PCDHAC1: variants seen among roughly 807,000 people sequenced by gnomAD.
PCDHAC1 encodes the protein protocadherin alpha-C1.
Under a neutral mutation model 60.0 loss-of-function variants are expected in PCDHAC1, and 42 were observed. The ratio of observed to expected loss-of-function variants is 0.70; its 90% CI spans 0.55 to 0.90. The LOEUF is 0.90. PCDHAC1 is among the 40% of genes least tolerant of loss of function. The pLI is 0.00. For missense variants in PCDHAC1, 1,160 were observed against 1,222.3 expected (o/e 0.95, Z 0.76); for synonymous variants, 468 against 499.3 (o/e 0.94, Z 0.84).
intron 1 of PCDHAC1, among the ~76,000 whole-genome samples, chr5:140,933,379 G>A (rs1403607512): frequency 6.6e-6 from 1 of 151,928 alleles, no homozygotes; most frequent in East Asian, 1.9e-4. Flanking sequence ...TTCCTTGGCT[G>A]TTCCTAGAGC....
intron 3 of PCDHAC1, 42 bp downstream of exon 3, chr5:140,982,605 A>G: frequency 1.9e-6 from 3 of 1,605,520 alleles, no homozygotes; most frequent in Non-Finnish European, 2.6e-6. Flanking sequence ...GGTTTCTGGA[A>G]AGTGATCAGA....
At chr5:140,974,865 G>A (rs1042029401) in intron 1 of PCDHAC1, among the ~76,000 whole-genome samples, 7 of 152,026 alleles carry the variant, frequency 4.6e-5, no homozygotes, top group African/African-American at 1.4e-4. Context: ...GCCTTAATGC[G>A]GAACAGTCTA....
chr5:140,944,003 C>A (rs1185007409), intron 1 of PCDHAC1, among the ~76,000 whole-genome samples: 11 of 152,038 alleles, frequency 7.2e-5, no homozygotes, highest in African/African-American at 2.2e-4. Flanking sequence ...CTACTGAGTA[C>A]CCCCCAAAAG....
chr5:140,979,585 G>T (rs1486792990), intron 2 of PCDHAC1, among the ~76,000 whole-genome samples: 1 of 152,156 alleles, frequency 6.6e-6, no homozygotes, highest in Non-Finnish European at 1.5e-5. Context: ...TCCAAATCTA[G>T]CTTACTTTAA....
At chr5:140,953,932 C>T (rs1005245846) in intron 1 of PCDHAC1, among the ~76,000 whole-genome samples, 1 of 152,060 alleles carries the variant, frequency 6.6e-6, no homozygotes, top group Admixed American at 6.6e-5. Flanking sequence ...CTGATGCTCT[C>T]CCTCCCATTG....
intron 1 of PCDHAC1, among the ~76,000 whole-genome samples, chr5:140,959,969 C>T (rs1203367528): frequency 6.6e-6 from 1 of 152,104 alleles, no homozygotes; most frequent in African/African-American, 2.4e-5. Context: ...GTAGATGTTA[C>T]TGAAAGAAGA....
Position 140,928,642 on chromosome 5 carries a change from G to C in PCDHAC1, c.1750G>C (p.Val584Leu). Residue 584 changes from valine (V) to leucine (L), a missense_variant, in exon 1 of 4, where the codon GTA (valine) becomes CTA (leucine). Physicochemically the swap from Val to Leu is conservative, Grantham distance 32 (BLOSUM62 1). Coordinates refer to ENST00000253807, the MANE Select transcript of PCDHAC1 (RefSeq NM_018898.5). The stretch of plus-strand genomic sequence containing the variant: ...GACTGGACACTTGGTCACAAAAGTG[G>C]TAGCAGAGGATGCTGACAGTGGTTC... ...ARTGHLVTKV[V>L]AEDADSGSNA... The C allele has an allele frequency of 6.2e-7, 1 of 1,614,232 alleles. No homozygotes were observed. The highest frequency in any genetic ancestry group is 1.3e-5 in the African/African-American group (1 of 75,062).
intron 1 of PCDHAC1, chr5:140,966,863 C>G: frequency 6.4e-7 from 1 of 1,562,680 alleles, no homozygotes; most frequent in Non-Finnish European, 8.6e-7. Flanking sequence ...GCTGCTGTTG[C>G]TGCTGCTGCT....
intron 3 of PCDHAC1, among the ~76,000 whole-genome samples, chr5:140,995,650 A>T (rs1166713964): frequency 6.6e-6 from 1 of 152,182 alleles, no homozygotes; most frequent in Non-Finnish European, 1.5e-5. Context: ...GAAAAGGAGA[A>T]TCGAAAAGGG....
At position 140,928,032 on chromosome 5, in the gene PCDHAC1, T is replaced by C. The variant is rs369075554; in HGVS notation, c.1140T>C (p.Ser380=). ...ATGGTAGGGTCATTTGTGGCATGTC[T>C]AGTGCAGGCCCTTTTCAGCTGACGG... is the stretch of plus-strand genomic sequence containing the variant. ...DSNGRVICGM[S]SAGPFQLTAS... The change falls in exon 1 of 4, where the codon TCT becomes TCC. Residue 380 remains serine (S), a synonymous_variant. Coordinates refer to ENST00000253807, the MANE Select transcript of PCDHAC1 (RefSeq NM_018898.5). 1 of 1,614,216 alleles carries C rather than the reference T, an allele frequency of 6.2e-7. No homozygotes were observed. The highest frequency in any genetic ancestry group is 1.3e-5 in the African/African-American group (1 of 75,054).
In PCDHAC1 at chr5:140,928,550, C is replaced by T. The variant is rs781857799; in HGVS notation, c.1658C>T (p.Pro553Leu). The T allele has an allele frequency of 3.7e-6, 6 of 1,614,160 alleles. No individual in the cohort carries two copies. Among genetic ancestry groups the T allele is most frequent in the South Asian group, 3.3e-5 (3 of 91,084 alleles). The change falls in exon 1 of 4, where the codon CCG becomes CTG. Residue 553 changes from proline to leucine, a missense_variant. Transcript: ENST00000253807. ...LFVVDRNDNYPVILFPLPRNG... is the reference protein window; with the variant it reads ...LFVVDRNDNYLVILFPLPRNG... ...GTGGTAGATAGGAATGACAATTATC[C>T]GGTTATCTTGTTTCCCTTGCCCAGA...
chr5:140,969,366 A>C (rs1554231734), intron 1 of PCDHAC1: 1 of 1,609,828 alleles, frequency 6.2e-7, no homozygotes. Context: ...CTACAAACTC[A>C]TGCATTTGTT....
At chr5:140,958,953 T>A (rs1489065015) in intron 1 of PCDHAC1, among the ~76,000 whole-genome samples, 2 of 144,196 alleles carry the variant, frequency 1.4e-5, no homozygotes, top group Non-Finnish European at 3.1e-5. Flanking sequence ...ATTATATTAT[T>A]ATAATTGTTC....
At chr5:140,966,740 C>G in intron 1 of PCDHAC1, 1 of 1,422,696 alleles carries the variant, frequency 7.0e-7, no homozygotes, top group Non-Finnish European at 9.1e-7. Flanking sequence ...CGGCCCTGCC[C>G]GGCTGCCTCC....
At chr5:140,930,143 T>C (rs1375967730) in intron 1 of PCDHAC1, 4 of 152,204 alleles carry the variant, frequency 2.6e-5, no homozygotes, top group Non-Finnish European at 5.9e-5. Context: ...ACCTTTTGTT[T>C]TGTGTTTCTA....
intron 3 of PCDHAC1, among the ~76,000 whole-genome samples, chr5:140,985,802 C>T (rs567648207): frequency 1.1e-4 from 16 of 146,640 alleles, no homozygotes; most frequent in African/African-American, 3.3e-4. Flanking sequence ...TGCAGTGGCA[C>T]GATCTCAGCT....
chr5:140,947,194 G>A (rs2094102779), intron 1 of PCDHAC1, among the ~76,000 whole-genome samples: 1 of 151,018 alleles, frequency 6.6e-6, no homozygotes, highest in Admixed American at 6.6e-5. Context: ...ATACTACACA[G>A]CCTTAAAAAA....
intron 1 of PCDHAC1, among the ~76,000 whole-genome samples, chr5:140,976,407 C>T (rs781867787): frequency 1.1e-4 from 17 of 151,868 alleles, no homozygotes; most frequent in Non-Finnish European, 2.1e-4. Flanking sequence ...AAAAATTAGC[C>T]AGGTACGGTG....
intron 2 of PCDHAC1, among the ~76,000 whole-genome samples, chr5:140,980,840 A>G (rs1248070793): frequency 1.3e-5 from 2 of 152,200 alleles, no homozygotes; most frequent in African/African-American, 4.8e-5. Context: ...GAACCTAAAT[A>G]ATACTAATCT....
Sources: gnomAD v4.1 joint callset for allele counts (sites outside exome capture counted in the v4.1 genomes callset) on GRCh38, gnomAD v4.1.1 for gene constraint, MANE v1.5 for transcripts, NCBI Gene and HGNC (gene_info 2026-07-23, HGNC 2026-07-21) for gene names.